CAMSAP2: variants seen among roughly 807,000 people sequenced by gnomAD.
CAMSAP2 encodes calmodulin regulated spectrin associated protein family member 2.
Under a neutral mutation model 146.1 loss-of-function variants are expected in CAMSAP2, and 26 were observed. The observed-to-expected ratio is 0.18, with a 90% CI of 0.13 to 0.25. CAMSAP2 has a LOEUF of 0.25. CAMSAP2 is among the 10% of genes least tolerant of loss of function. The pLI is 1.00. For missense variants in CAMSAP2, 1,381 were observed against 1,759.3 expected, an observed-to-expected ratio of 0.78 and a Z score of 3.85; for synonymous variants, 499 against 596.6, an observed-to-expected ratio of 0.84 and a Z score of 2.38.
chr1:200,800,815 C>G (rs1666015533), intron 2 of CAMSAP2, among the ~76,000 whole-genome samples: 1 of 152,134 alleles, frequency 6.6e-6, no homozygotes, highest in Non-Finnish European at 1.5e-5. Context: ...TTTTTCCTAT[C>G]CACATTTAGT....
Position 200,848,639 on chromosome 1 carries a change from G to A in CAMSAP2, c.1870G>A (p.Asp624Asn). 6.2e-7 allele frequency: 1 copy of A among 1,614,104 alleles called. No individual in the cohort carries two copies. Among genetic ancestry groups the A allele is most frequent in the Admixed American group, 1.7e-5 (1 of 60,014 alleles). ...VPSEDIPETM[D>N]EDSSLRDYTV... is the part of the protein sequence containing the mutation. ...TTCAGAAGATATTCCTGAAACTATGGACGAAGATTCTTCGTTGAGAGATTA... is the reference window on the plus strand; with the variant it reads ...TTCAGAAGATATTCCTGAAACTATGAACGAAGATTCTTCGTTGAGAGATTA... Residue 624 changes from aspartate (D) to asparagine (N), a missense_variant, in exon 11 of 17, where the codon GAC becomes AAC. Coordinates refer to ENST00000358823, the MANE Select transcript of CAMSAP2 (RefSeq NM_203459.4).
chr1:200,780,005 T>C (rs941186664), intron 2 of CAMSAP2, among the ~76,000 whole-genome samples: 1 of 152,198 alleles, frequency 6.6e-6, no homozygotes, highest in Non-Finnish European at 1.5e-5. Context: ...CATGTGTCTA[T>C]AATAAGCCTT....
intron 2 of CAMSAP2, among the ~76,000 whole-genome samples, chr1:200,772,664 C>G (rs1665151764): frequency 2.0e-5 from 3 of 152,042 alleles, no homozygotes; most frequent in African/African-American, 7.2e-5. Context: ...AGTTAAATTG[C>G]TTTATCTTAT....
rs561812505 is a variant in CAMSAP2 at position 200,848,553 on chromosome 1, C to A, written c.1784C>A (p.Thr595Lys). 1.9e-6 allele frequency: 3 copies of A among 1,613,832 alleles called. No homozygotes were observed. The highest frequency in any genetic ancestry group is 1.7e-6 in the Non-Finnish European group (2 of 1,179,910). ...NQSSPDNVTD[T>K]KGALSPITDN... ...TCTAGTCCTGATAATGTAACTGATACGAAAGGTGCCTTGAGTCCCATAACT... is the reference window on the plus strand; with the variant it reads ...TCTAGTCCTGATAATGTAACTGATAAGAAAGGTGCCTTGAGTCCCATAACT... Residue 595 changes from threonine to lysine, a missense_variant, in exon 11 of 17, where the codon ACG becomes AAG. Thr to Lys is a moderately conservative substitution (Grantham distance 78). Transcript: ENST00000358823.
chr1:200,793,806 C>G (rs938335356), intron 2 of CAMSAP2, among the ~76,000 whole-genome samples: 4 of 152,016 alleles, frequency 2.6e-5, no homozygotes, highest in East Asian at 3.8e-4. Flanking sequence ...GTTTAATTAG[C>G]ACTACATTAA....
At position 200,847,239 on chromosome 1, in the gene CAMSAP2, A is replaced by G. The variant is rs1455243255; in HGVS notation, c.1139A>G (p.His380Arg). 3.7e-6 allele frequency: 6 copies of G among 1,610,820 alleles called. No homozygotes were observed. Among genetic ancestry groups the G allele is most frequent in the Admixed American group, 1.7e-5 (1 of 59,868 alleles). Reference protein sequence around the residue: ...SGEGATFTQSHHHLPSRYSRP... With the variant: ...SGEGATFTQSRHHLPSRYSRP... ...GAAGGAGCTACATTTACACAGTCTC[A>G]TCATCATTTGCCTTCTAGGTATTCA... Residue 380 changes from histidine to arginine, a missense_variant, in exon 9 of 17, where the codon CAT becomes CGT. This residue lies in a region of CAMSAP2 where 447 missense variants were observed against 462.2 expected (regional missense o/e 0.97). Coordinates refer to ENST00000358823, the MANE Select transcript of CAMSAP2 (RefSeq NM_203459.4).
intron 6 of CAMSAP2, among the ~76,000 whole-genome samples, chr1:200,834,860 C>T (rs1667146328): frequency 6.6e-6 from 1 of 152,088 alleles, no homozygotes; most frequent in Non-Finnish European, 1.5e-5. Context: ...TGCAGTGAGC[C>T]CTGATTGCAT....
chr1:200,749,711 T>C (rs762948244), intron 1 of CAMSAP2, among the ~76,000 whole-genome samples: 4 of 152,310 alleles, frequency 2.6e-5, no homozygotes, highest in African/African-American at 7.2e-5. Flanking sequence ...ACAAACTTTT[T>C]CATCTTTATT....
At chr1:200,771,874 T>C (rs184499954) in intron 2 of CAMSAP2, among the ~76,000 whole-genome samples, 427 of 152,356 alleles carry the variant, frequency 2.8e-3, no homozygotes, top group African/African-American at 9.5e-3. Context: ...CTTAGTGTTT[T>C]GGCTCTTCCT....
chr1:200,764,815 A>G (rs890459446), intron 2 of CAMSAP2, among the ~76,000 whole-genome samples: 2 of 152,200 alleles, frequency 1.3e-5, no homozygotes, highest in Non-Finnish European at 2.9e-5. Context: ...TTAAAAAGAA[A>G]AGATGTGGCT....
At chr1:200,818,950 G>A (rs959613706) in intron 4 of CAMSAP2, among the ~76,000 whole-genome samples, 3 of 152,142 alleles carry the variant, frequency 2.0e-5, no homozygotes, top group South Asian at 2.1e-4. Flanking sequence ...GACAGAGCCC[G>A]TGGTATTGAA....
Position 200,860,412 on chromosome 1 carries a change from T to C in CAMSAP2, c.*2353T>C, listed in dbSNP as rs993611992. The C allele has an allele frequency of 6.5e-6, 1 of 152,902 alleles. No homozygotes were observed. The highest frequency in any genetic ancestry group is 2.4e-5 in the African/African-American group (1 of 41,588). The allele number at this position is 152,902 out of a possible 1,614,324, so 9.5% of individuals were successfully genotyped here. On this transcript the variant is annotated 3_prime_UTR_variant, in exon 17 of 17. Transcript: ENST00000358823. The stretch of plus-strand genomic sequence containing the variant: ...GTTACCAGTGCAGCCTGTCAAATTC[T>C]GCTATTTGACACAGCTTTGGAAAGA...
intron 1 of CAMSAP2, among the ~76,000 whole-genome samples, chr1:200,750,755 G>C (rs1390620702): frequency 1.3e-5 from 2 of 151,854 alleles, no homozygotes; most frequent in Non-Finnish European, 1.5e-5. Context: ...CTCGCGAGTA[G>C]CTGGGATTAC....
At chr1:200,740,184 A>T (rs1206416345) in intron 1 of CAMSAP2, among the ~76,000 whole-genome samples, 1 of 152,028 alleles carries the variant, frequency 6.6e-6, no homozygotes, top group Non-Finnish European at 1.5e-5. Flanking sequence ...ATTTGGCCAG[A>T]TTCCTTTTAT....
intron 2 of CAMSAP2, 27 bp from the exon 3 acceptor site, chr1:200,807,349 C>A: frequency 7.0e-7 from 1 of 1,435,546 alleles, no homozygotes; most frequent in Non-Finnish European, 9.2e-7. Flanking sequence ...AATTTTTAAA[C>A]TATTTGTTCT....
chr1:200,816,177 C>G (rs185160247), intron 4 of CAMSAP2, among the ~76,000 whole-genome samples: 1 of 152,152 alleles, frequency 6.6e-6, no homozygotes, highest in Non-Finnish European at 1.5e-5. Context: ...ACCTGTAATC[C>G]CAGCCACTCA....
chr1:200,744,627 A>G (rs756366601), intron 1 of CAMSAP2, among the ~76,000 whole-genome samples: 4 of 152,252 alleles, frequency 2.6e-5, no homozygotes, highest in Non-Finnish European at 5.9e-5. Flanking sequence ...GAAATATGAC[A>G]TTCAGAGGGA....
chr1:200,826,907 C>T (rs569028426), intron 4 of CAMSAP2, among the ~76,000 whole-genome samples: 9 of 152,164 alleles, frequency 5.9e-5, no homozygotes, highest in East Asian at 1.9e-4. Flanking sequence ...CCTTTGTCCT[C>T]GTGGTTATTT....
At chr1:200,820,528 A>G (rs889362064) in intron 4 of CAMSAP2, among the ~76,000 whole-genome samples, 1 of 152,210 alleles carries the variant, frequency 6.6e-6, no homozygotes, top group Non-Finnish European at 1.5e-5. Context: ...GGTGTATCTC[A>G]ATATAGACTA....
Sources: gnomAD v4.1 joint callset for allele counts (sites outside exome capture counted in the v4.1 genomes callset) on GRCh38, gnomAD v4.1.1 for gene constraint, gnomAD v4.1.1 regional missense constraint, MANE v1.5 for transcripts, NCBI Gene and HGNC (gene_info 2026-07-23, HGNC 2026-07-21) for gene names.